CFDP1: variants seen among roughly 807,000 people sequenced by gnomAD.
CFDP1 encodes chromatin remodeling protein CFDP1.
CFDP1 carries 31 observed loss-of-function variants against 40.1 expected under a neutral mutation model. The observed-to-expected ratio is 0.77, with a 90% CI of 0.58 to 1.04. The LOEUF is 1.04. CFDP1 is among the 50% of genes least tolerant of loss of function. The pLI, the probability that CFDP1 is intolerant of heterozygous loss-of-function variation, is 0.00. For missense variants in CFDP1, 423 were observed against 343.4 expected, an observed-to-expected ratio of 1.23 and a Z score of -1.83; for synonymous variants, 167 against 120.0, an observed-to-expected ratio of 1.39 and a Z score of -2.56.
At chr16:75,306,285 T>G (rs2078256431) in intron 5 of CFDP1, 1 of 152,184 alleles carries the variant, frequency 6.6e-6, no homozygotes. Context: ...CAGGACCCAG[T>G]CTCAGAGTTG....
At chr16:75,412,513 C>T in intron 3 of CFDP1, 22 bp downstream of exon 3, 1 of 1,577,196 alleles carries the variant, frequency 6.3e-7, no homozygotes, top group Non-Finnish European at 8.7e-7. Flanking sequence ...GAGGCATTCA[C>T]CTCACTAATG....
At position 75,354,459 on chromosome 16, in the gene CFDP1, T is replaced by C. The variant is rs74530983; in HGVS notation, c.650+40631A>G. Among the ~76,000 whole-genome samples, 191 of 152,124 alleles carry C rather than the reference T, an allele frequency of 1.3e-3. 3 individuals carry two copies. In the East Asian group the frequency reaches 0.035, roughly 28 times the overall value. ...CTGCCTAACTCCAGCCTTAAAGTCATATGAGCATGAGGTTCACAGCCTTGG... is the reference window on the plus strand; with the variant it reads ...CTGCCTAACTCCAGCCTTAAAGTCACATGAGCATGAGGTTCACAGCCTTGG... On this transcript the variant is annotated intron_variant, in intron 5 of 6. Coordinates refer to ENST00000283882, the MANE Select transcript of CFDP1 (RefSeq NM_006324.3).
rs1375061729 is a variant in CFDP1, at chr16:75,328,507, G to A, written c.651-23325C>T. On this transcript the variant is annotated intron_variant, in intron 5 of 6. Coordinates refer to ENST00000283882, the MANE Select transcript of CFDP1 (RefSeq NM_006324.3). ...CAGCTACTTCGGGAGGCTGAAGCAG[G>A]AGAATCGCTTGAACCCGGGAGGCGG... Among the ~76,000 whole-genome samples, 3 of 145,622 alleles carry A rather than the reference G, an allele frequency of 2.1e-5. No individual in the cohort carries two copies. The East Asian group carries it at 6.6e-4, about 32-fold the overall frequency.
rs1440534159 is a variant in CFDP1 at position 75,418,303 on chromosome 16, A to AC, written c.65-3609dup. On this transcript the variant is annotated intron_variant, in intron 1 of 6. Coordinates refer to ENST00000283882, the MANE Select transcript of CFDP1 (RefSeq NM_006324.3). ...ATTAAGAATATCAATATGAACTCTA[A>AC]CCCTTTTTTTTTTTTTTTTTGAGAC... Among the ~76,000 whole-genome samples, 9 of 122,600 alleles carry AC rather than the reference A, an allele frequency of 7.3e-5. No individual in the cohort carries two copies. The South Asian group carries it at 2.2e-3, about 30-fold the overall frequency. 80.4% of individuals were successfully genotyped at this position (122,600 alleles called of 152,430 possible).
rs376589988 is a variant in CFDP1, at chr16:75,298,214, T to C, written c.810-4172A>G. Among the ~76,000 whole-genome samples the C allele has an allele frequency of 1.8e-4, 27 of 152,308 alleles. 1 individual carries two copies. The East Asian group carries it at 4.2e-3, about 24-fold the overall frequency. On this transcript the variant is annotated intron_variant, in intron 6 of 6. Coordinates refer to ENST00000283882, the MANE Select transcript of CFDP1 (RefSeq NM_006324.3). ...TGACGTAAAAGCAAATATTTCAAAA[T>C]TGAAAAAGGTCTGAAATCTAAAACA...
At chr16:75,383,178 C>T (rs1461285287) in intron 5 of CFDP1, among the ~76,000 whole-genome samples, 1 of 152,186 alleles carries the variant, frequency 6.6e-6, no homozygotes, top group Middle Eastern at 3.4e-3. Context: ...TGGCAGAATC[C>T]AAAATTCAAG....
intron 1 of CFDP1, among the ~76,000 whole-genome samples, chr16:75,428,611 C>T (rs1039456247): frequency 4.1e-5 from 6 of 145,928 alleles, no homozygotes; most frequent in African/African-American, 1.0e-4. Flanking sequence ...AGCTATACTC[C>T]ATCTCAAAAA....
rs550466028 is a variant in CFDP1, at chr16:75,405,050, T to C, written c.530+6775A>G. Among the ~76,000 whole-genome samples the C allele has an allele frequency of 7.9e-5, 12 of 152,316 alleles. No homozygotes were observed. In the East Asian group the frequency reaches 1.9e-3, roughly 24 times the overall value. ...CAAGATGAGATGGGCACAGAAATTGTGAGTATTTAGAAACTTGTTCAGCAA... is the reference window on the plus strand; with the variant it reads ...CAAGATGAGATGGGCACAGAAATTGCGAGTATTTAGAAACTTGTTCAGCAA... On this transcript the variant is annotated intron_variant, in intron 4 of 6. Coordinates refer to ENST00000283882, the MANE Select transcript of CFDP1 (RefSeq NM_006324.3).
intron 5 of CFDP1, among the ~76,000 whole-genome samples, chr16:75,338,075 G>C (rs1290235254): frequency 1.3e-5 from 2 of 152,168 alleles, no homozygotes; most frequent in African/African-American, 4.8e-5. Context: ...TTACTTCAAA[G>C]GTTCTGCTCT....
intron 5 of CFDP1, among the ~76,000 whole-genome samples, chr16:75,369,308 T>A (rs1204841776): frequency 6.6e-6 from 1 of 151,842 alleles, no homozygotes; most frequent in East Asian, 1.9e-4. Flanking sequence ...TCCAAGCACT[T>A]TAGGAGGTCA....
At chr16:75,419,105 T>A (rs1270955700) in intron 1 of CFDP1, 1 of 376,678 alleles carries the variant, frequency 2.7e-6, no homozygotes, top group Non-Finnish European at 5.4e-6. Flanking sequence ...CGCCGACTCA[T>A]AAAAAATAAA....
chr16:75,328,682 T>A (rs1364426522), intron 5 of CFDP1, among the ~76,000 whole-genome samples: 1 of 139,962 alleles, frequency 7.1e-6, no homozygotes, highest in Non-Finnish European at 1.6e-5. Flanking sequence ...ATAATAAGCA[T>A]AATTTTTTTT....
intron 1 of CFDP1, among the ~76,000 whole-genome samples, chr16:75,430,805 G>A (rs531538587): frequency 6.6e-6 from 1 of 152,118 alleles, no homozygotes; most frequent in African/African-American, 2.4e-5. Context: ...TAGCAGACAG[G>A]CTTCAGAGAG....
chr16:75,345,705 CAT>C (rs2078558529), intron 5 of CFDP1, among the ~76,000 whole-genome samples: 1 of 152,168 alleles, frequency 6.6e-6, no homozygotes, highest in African/African-American at 2.4e-5. Context: ...AGATCAAGAT[CAT>C]ATGTTTTTTT....
rs60815655 is a variant in CFDP1, at chr16:75,349,682, A to ATATATATATAT, written c.651-44501_651-44500insATATATATATA. On this transcript the variant is annotated intron_variant, in intron 5 of 6. Transcript: ENST00000283882. ...AAAAAAAAAAAAAAAAAAAAAAAAA[A>ATATATATATAT]AAAAAAAAATATATATACATACATA... is the stretch of plus-strand genomic sequence containing the variant. Among the ~76,000 whole-genome samples, 21 of 7,394 alleles carry ATATATATATAT rather than the reference A, an allele frequency of 2.8e-3. 1 individual carries two copies. The highest frequency in any genetic ancestry group is 9.1e-3 in the East Asian group (1 of 110). The allele number at this position is 7,394 out of a possible 152,430, so 4.9% of individuals were successfully genotyped here.
intron 6 of CFDP1, among the ~76,000 whole-genome samples, chr16:75,295,533 A>T (rs1384857946): frequency 6.6e-6 from 1 of 152,234 alleles, no homozygotes; most frequent in East Asian, 1.9e-4. Flanking sequence ...TTAGGAAGCC[A>T]GCTTCCAACA....
chr16:75,408,960 T>C lies in CFDP1; in HGVS notation c.530+2865A>G, dbSNP rs56888965. Among the ~76,000 whole-genome samples, 4 of 151,780 alleles carry C rather than the reference T, an allele frequency of 2.6e-5. No individual in the cohort carries two copies. In the East Asian group the frequency reaches 7.9e-4, roughly 30 times the overall value. On this transcript the variant is annotated intron_variant, in intron 4 of 6. Coordinates refer to ENST00000283882, the MANE Select transcript of CFDP1 (RefSeq NM_006324.3). ...GCAACCTCTGCCTACTGGATTCAAG[T>C]GATTCTCCTGCTTCAGCCTCCCAAG...
At chr16:75,375,790 CAAAA>C (rs564473644) in intron 5 of CFDP1, among the ~76,000 whole-genome samples, 2 of 125,686 alleles carry the variant, frequency 1.6e-5, no homozygotes, top group Non-Finnish European at 1.6e-5. Context: ...GACTCCATCT[CAAAA>C]AAAAAAAAAA....
chr16:75,315,611 A>C (rs1377075828), intron 5 of CFDP1, among the ~76,000 whole-genome samples: 2 of 152,148 alleles, frequency 1.3e-5, no homozygotes, highest in African/African-American at 4.8e-5. Context: ...AAAAGTTGAA[A>C]ACAGAACCAC....
Sources: gnomAD v4.1 joint callset for allele counts (sites outside exome capture counted in the v4.1 genomes callset) on GRCh38, gnomAD v4.1.1 for gene constraint, MANE v1.5 for transcripts, NCBI Gene and HGNC (gene_info 2026-07-23, HGNC 2026-07-21) for gene names.